The following STRN4 variants were observed in gnomAD, a reference collection of about 807,000 sequenced individuals.
STRN4 encodes the protein striatin-4.
In STRN4, 27 loss-of-function variants were observed where a neutral mutation model predicts 77.9. The observed-to-expected ratio is 0.35, with a 90% CI of 0.26 to 0.48. The LOEUF is 0.48. STRN4 is among the 20% of genes least tolerant of loss of function. STRN4 has a pLI of 0.99. For missense variants in STRN4, 798 were observed against 1,049.7 expected (o/e 0.76, Z 3.31); for synonymous variants, 466 against 443.1 (o/e 1.05, Z -0.65).
At chr19:46,724,246 T>C (rs1347111388) in intron 12 of STRN4, among the ~76,000 whole-genome samples, 1 of 71,090 alleles carries the variant, frequency 1.4e-5, no homozygotes, top group Admixed American at 1.7e-4. Flanking sequence ...AGACTCTTTG[T>C]CTCAAAAAAA....
intron 7 of STRN4, 95 bp downstream of exon 7, chr19:46,728,523 G>T: frequency 1.4e-6 from 2 of 1,460,058 alleles, no homozygotes; most frequent in Non-Finnish European, 1.8e-6. Flanking sequence ...CCGGTAGAGA[G>T]ACCCTGTACA....
chr19:46,736,552 C>CAAAAAAA (rs777686904), intron 4 of STRN4: 4 of 48,602 alleles, frequency 8.2e-5, no homozygotes, highest in African/African-American at 2.2e-4. Context: ...GCCACTGAGA[C>CAAAAAAA]AAAAAAAAAA....
intron 16 of STRN4, 177 bp downstream of exon 16, chr19:46,721,809 C>T (rs1420732184): frequency 1.3e-5 from 8 of 618,096 alleles, no homozygotes; most frequent in Non-Finnish European, 2.0e-5. Flanking sequence ...TCCAGTGACC[C>T]AGAGGAGGGC....
At chr19:46,742,413 C>G (rs927007630) in intron 1 of STRN4, among the ~76,000 whole-genome samples, 1 of 152,150 alleles carries the variant, frequency 6.6e-6, no homozygotes, top group Non-Finnish European at 1.5e-5. Flanking sequence ...TCAGGAAAAT[C>G]TGACACTGCC....
intron 1 of STRN4, among the ~76,000 whole-genome samples, chr19:46,744,101 G>A (rs2054525167): frequency 6.6e-6 from 1 of 151,896 alleles, no homozygotes; most frequent in Admixed American, 6.6e-5. Context: ...ATGACAGCTC[G>A]TATCTACAGT....
Position 46,730,718 on chromosome 19 carries a change from G to C in STRN4, c.879+14C>G, listed in dbSNP as rs376846703. On this transcript the variant is annotated intron_variant, in intron 6 of 17. Coordinates refer to ENST00000263280, the MANE Select transcript of STRN4 (RefSeq NM_013403.3). ...CCCAGGCCAGGCTGTGCAGGGCATG[G>C]AGGAAGGGCTCACCTTCACACGCTG... The C allele has an allele frequency of 6.2e-7, 1 of 1,610,714 alleles. No homozygotes were observed. The highest frequency in any genetic ancestry group is 8.5e-7 in the Non-Finnish European group (1 of 1,179,910).
chr19:46,737,057 C>T (rs2054380607), intron 3 of STRN4, among the ~76,000 whole-genome samples, 156 bp from the exon 4 acceptor site: 1 of 152,222 alleles, frequency 6.6e-6, no homozygotes, highest in South Asian at 2.1e-4. Flanking sequence ...TCTTCCCTTA[C>T]TCGGGGATTC....
chr19:46,744,214 C>T (rs1408187401), intron 1 of STRN4, among the ~76,000 whole-genome samples: 1 of 152,132 alleles, frequency 6.6e-6, no homozygotes, highest in Non-Finnish European at 1.5e-5. Flanking sequence ...CATCACAGGG[C>T]ATTGTGAAGA....
intron 11 of STRN4, 79 bp from the exon 12 acceptor site, chr19:46,725,007 T>C: frequency 6.3e-7 from 1 of 1,592,006 alleles, no homozygotes; most frequent in Admixed American, 1.7e-5. Context: ...AGTTCCCTAC[T>C]AGCATTCTTC....
intron 3 of STRN4, 77 bp from the exon 4 acceptor site, chr19:46,736,978 C>T: frequency 2.1e-6 from 3 of 1,449,596 alleles, no homozygotes; most frequent in South Asian, 2.4e-5. Context: ...TCTTCCTCAC[C>T]CCTCCAACCC....
At chr19:46,737,796 G>A (rs1338980428) in intron 3 of STRN4, among the ~76,000 whole-genome samples, 3 of 152,110 alleles carry the variant, frequency 2.0e-5, no homozygotes, top group Non-Finnish European at 4.4e-5. Flanking sequence ...TTGGATGAAC[G>A]ATTGAACGGC....
chr19:46,731,032 C>T (rs2054239052), intron 5 of STRN4, 159 bp from the exon 6 acceptor site: 3 of 966,448 alleles, frequency 3.1e-6, no homozygotes, highest in South Asian at 1.7e-5. Flanking sequence ...GCCCCAACCC[C>T]AGCCTCTGCC....
At chr19:46,726,192 AG>A (rs1487716896) in intron 9 of STRN4, 2 of 155,464 alleles carry the variant, frequency 1.3e-5, no homozygotes, top group African/African-American at 4.8e-5. Context: ...GGAGAGTGGC[AG>A]GGGATGAGAC....
Position 46,738,088 on chromosome 19 carries a change from C to T in STRN4, c.460+76G>A, listed in dbSNP as rs2054404891. Reference sequence around the variant, plus strand: ...AAGGAGCAAAGTGAGAAAGAGGCACCCCATCTTCCTGCTTCTCCAGAACAC... The same window carrying T: ...AAGGAGCAAAGTGAGAAAGAGGCACTCCATCTTCCTGCTTCTCCAGAACAC... On this transcript the variant is annotated intron_variant, in intron 3 of 17. Transcript: ENST00000263280. The surrounding 1 kb of genome is among the most constrained non-coding windows in gnomAD (Gnocchi z 4.5). The T allele has an allele frequency of 7.0e-7, 1 of 1,435,770 alleles. No homozygotes were observed. Among genetic ancestry groups the T allele is most frequent in the South Asian group, 1.1e-5 (1 of 87,464 alleles). 88.9% of individuals were successfully genotyped at this position (1,435,770 alleles called of 1,614,324 possible).
intron 9 of STRN4, 95 bp downstream of exon 9, chr19:46,727,357 A>G: frequency 9.5e-7 from 1 of 1,048,054 alleles, no homozygotes; most frequent in South Asian, 1.5e-5. Flanking sequence ...AAACAGGATG[A>G]GCAGGGCACG....
intron 6 of STRN4, among the ~76,000 whole-genome samples, chr19:46,729,675 G>A (rs890862176): frequency 1.3e-5 from 2 of 152,188 alleles, no homozygotes; most frequent in African/African-American, 4.8e-5. Flanking sequence ...ATTGTGCTCT[G>A]CCAACAGTGC....
rs539735961 is a variant in STRN4 at position 46,738,704 on chromosome 19, A to T, written c.386+81T>A. The stretch of plus-strand genomic sequence containing the variant: ...TCGACCCCAAATCTCCCTTAGCTGG[A>T]AGGAGGCGTGGCTGGTGGCCTCCTG... On this transcript the variant is annotated intron_variant, in intron 2 of 17. Transcript: ENST00000263280. This position sits in a 1 kb window ranked among gnomAD's most constrained non-coding sequence, Gnocchi z 4.5. 5.8e-5 allele frequency: 75 copies of T among 1,302,420 alleles called. No homozygotes were observed. Among genetic ancestry groups the T allele is most frequent in the Non-Finnish European group, 8.0e-5 (72 of 899,384 alleles). The allele number at this position is 1,302,420 out of a possible 1,614,324, so 80.7% of individuals were successfully genotyped here.
Position 46,746,418 on chromosome 19 carries a change from G to C in STRN4, c.13C>G (p.Arg5Gly). The change falls in exon 1 of 18, where the codon CGA becomes GGA. Residue 5 changes from arginine (R) to glycine (G), a missense_variant. By Grantham distance (125) the Arg-to-Gly change is moderately radical. Transcript: ENST00000263280. ...GCGGCGGCGACCGCGGCGGCCGCTCGCTCCTCCATCATGGAGGCCCCGGGG... is the reference window on the plus strand; with the variant it reads ...GCGGCGGCGACCGCGGCGGCCGCTCCCTCCTCCATCATGGAGGCCCCGGGG... Reference protein sequence around the residue: MMEERAAAAVAAAAS... With the variant: MMEEGAAAAVAAAAS... 5 of 1,036,354 alleles carry C rather than the reference G, an allele frequency of 4.8e-6. No homozygotes were observed. Among genetic ancestry groups the C allele is most frequent in the South Asian group, 8.9e-5 (2 of 22,394 alleles). The allele number at this position is 1,036,354 out of a possible 1,614,324, so 64.2% of individuals were successfully genotyped here. A position where few individuals can be genotyped will look rare whatever the true frequency, so the allele number is the denominator to read the frequency against.
intron 9 of STRN4, chr19:46,726,363 G>T (rs1177009790): frequency 6.6e-6 from 1 of 152,296 alleles, no homozygotes; most frequent in African/African-American, 2.4e-5. Context: ...AGTAGCCACA[G>T]ACGGGGCACA....
Sources: gnomAD v4.1 joint callset for allele counts (sites outside exome capture counted in the v4.1 genomes callset) on GRCh38, gnomAD v4.1.1 for gene constraint, Gnocchi (gnomAD v3.1) non-coding constraint, MANE v1.5 for transcripts, NCBI Gene and HGNC (gene_info 2026-07-23, HGNC 2026-07-21) for gene names.